PRG4: variants seen among roughly 807,000 people sequenced by gnomAD.
The protein encoded by PRG4 is articular superficial zone protein.
Under a neutral mutation model 91.2 loss-of-function variants are expected in PRG4, and 61 were observed. The observed-to-expected ratio is 0.67, with a 90% CI of 0.54 to 0.83. The LOEUF (loss-of-function observed/expected upper bound fraction) is 0.83, where lower values mean the gene tolerates loss of function less well. PRG4 is among the 40% of genes least tolerant of loss of function. The pLI is 0.00. For synonymous variants in PRG4, 576 were observed against 614.2 expected (o/e 0.94, Z 0.92); for missense variants, 1,564 against 1,714.2 (o/e 0.91, Z 1.55).
chr1:186,312,051 CA>C, intron 10 of PRG4, 123 bp from the exon 11 acceptor site: 1 of 741,856 alleles, frequency 1.3e-6, no homozygotes, highest in Non-Finnish European at 2.3e-6. Context: ...TTATTAATAT[CA>C]ATATATTATA....
chr1:186,311,069 C>CCAT lies in PRG4; in HGVS notation c.3537_3539dup (p.Ser1180dup). 6.2e-7 allele frequency: 1 copy of CCAT among 1,613,924 alleles called. No homozygotes were observed. The highest frequency in any genetic ancestry group is 8.5e-7 in the Non-Finnish European group (1 of 1,179,856). ...CTGGATGCTAAGTCCATTCAGTCCA[C>CCAT]CATCTCCAGCTCGCAGAATTACTGA... On this transcript the variant is annotated inframe_insertion, in exon 9 of 13. Coordinates refer to ENST00000445192, the MANE Select transcript of PRG4 (RefSeq NM_005807.6).
At chr1:186,313,637 ATTG>A (rs762584904) in intron 12 of PRG4, 41 bp from the exon 13 acceptor site, 7 of 1,164,002 alleles carry the variant, frequency 6.0e-6, no homozygotes, top group Non-Finnish European at 9.1e-6. Context: ...TAGTTTGGGC[ATTG>A]TTTTCTTTTT....
At chr1:186,310,988 G>A in intron 8 of PRG4, 46 bp from the exon 9 acceptor site, 1 of 1,610,032 alleles carries the variant, frequency 6.2e-7, no homozygotes, top group South Asian at 1.1e-5. Flanking sequence ...TTTTGTGATA[G>A]GTTTAGCATT....
chr1:186,298,319 T>A (rs763428322), intron 2 of PRG4, among the ~76,000 whole-genome samples: 35 of 151,290 alleles, frequency 2.3e-4, no homozygotes, highest in Non-Finnish European at 4.4e-4. Flanking sequence ...GAGGTGGAGG[T>A]TGCATTAAGC....
chr1:186,302,070 G>A (rs1178859646), intron 4 of PRG4, among the ~76,000 whole-genome samples: 1 of 152,104 alleles, frequency 6.6e-6, no homozygotes, highest in Non-Finnish European at 1.5e-5. Context: ...CTGACTTCAC[G>A]AAGTCAACTA....
At chr1:186,305,010 G>A (rs753198533) in intron 6 of PRG4, 88 bp downstream of exon 6, 58 of 1,383,100 alleles carry the variant, frequency 4.2e-5, no homozygotes, top group Non-Finnish European at 5.6e-5. Context: ...GCAGAATGAG[G>A]ACATCTTAAT....
At chr1:186,310,917 C>A in intron 8 of PRG4, 117 bp from the exon 9 acceptor site, 1 of 1,126,530 alleles carries the variant, frequency 8.9e-7, no homozygotes, top group Non-Finnish European at 1.3e-6. Flanking sequence ...CCTTTTGTAT[C>A]TGACTAAACT....
chr1:186,308,336 C>G lies in PRG4; in HGVS notation c.2617C>G (p.Pro873Ala). 6.2e-7 allele frequency: 1 copy of G among 1,613,970 alleles called. No homozygotes were observed. The highest frequency in any genetic ancestry group is 1.1e-5 in the South Asian group (1 of 91,078). The change falls in exon 7 of 13, where the codon CCT becomes GCT. Residue 873 changes from proline (P) to alanine (A), a missense_variant. Pro to Ala is a conservative substitution (Grantham distance 27). This residue lies in a region of PRG4 where 1,079 missense variants were observed against 1,162.2 expected (regional missense o/e 0.93). Coordinates refer to ENST00000445192, the MANE Select transcript of PRG4 (RefSeq NM_005807.6). ...TKEPTTIHKS[P>A]DESTPELSAE... ...GGAGCCTACCACTATCCACAAAAGCCCTGATGAATCAACTCCTGAGCTTTC... is the reference window on the plus strand; with the variant it reads ...GGAGCCTACCACTATCCACAAAAGCGCTGATGAATCAACTCCTGAGCTTTC...
chr1:186,312,007 T>C (rs1022392118), intron 10 of PRG4, 168 bp from the exon 11 acceptor site: 2 of 603,162 alleles, frequency 3.3e-6, no homozygotes, highest in Non-Finnish European at 5.7e-6. Flanking sequence ...TTCAGTTTAA[T>C]AATTATTTTT....
chr1:186,304,178 A>G lies in PRG4; in HGVS notation c.390A>G (p.Lys130=). The G allele has an allele frequency of 6.2e-7, 1 of 1,613,886 alleles. No individual in the cohort carries two copies. Residue 130 remains lysine (K), a synonymous_variant, in exon 5 of 13, where the codon AAA becomes AAG. Coordinates refer to ENST00000445192, the MANE Select transcript of PRG4 (RefSeq NM_005807.6). The stretch of plus-strand genomic sequence containing the variant: ...CTTCAGGAGCATCTCAAACCATCAA[A>G]TCAACAACCAAACGTTCACCCAAAC... ...PPPSGASQTI[K]STTKRSPKPP...
chr1:186,305,874 G>C (rs1656522423), intron 6 of PRG4, among the ~76,000 whole-genome samples: 1 of 152,136 alleles, frequency 6.6e-6, no homozygotes, highest in Non-Finnish European at 1.5e-5. Flanking sequence ...GGGGGTGACT[G>C]GGGCAGATTG....
intron 10 of PRG4, 116 bp downstream of exon 10, chr1:186,311,712 T>G: frequency 1.7e-6 from 2 of 1,164,788 alleles, no homozygotes; most frequent in South Asian, 2.7e-5. Context: ...ATCAAATATT[T>G]TCAGTGAAAA....
rs1656576763 is a variant in PRG4, at chr1:186,306,516, C to T, written c.797C>T (p.Pro266Leu). 1.9e-6 allele frequency: 3 copies of T among 1,613,188 alleles called. No individual in the cohort carries two copies. The highest frequency in any genetic ancestry group is 2.5e-6 in the Non-Finnish European group (3 of 1,179,338). ...KPINPRPSLP[P>L]NSDTSKETSL... The stretch of plus-strand genomic sequence containing the variant: ...ATAAATCCCAGACCCAGTCTTCCAC[C>T]TAATTCTGATACATCTAAAGAGACG... The change falls in exon 7 of 13, where the codon CCT becomes CTT. Residue 266 changes from proline (P) to leucine (L), a missense_variant. Transcript: ENST00000445192.
In PRG4 at chr1:186,312,373, G is replaced by A. The variant is rs1188019540; in HGVS notation, c.3991+1G>A. 1 of 1,604,100 alleles carries A rather than the reference G, an allele frequency of 6.2e-7. No individual in the cohort carries two copies. Among genetic ancestry groups the A allele is most frequent in the Non-Finnish European group, 8.5e-7 (1 of 1,176,362 alleles). ...GCCAGACTGGCTTATCAAGACAAAGGTAACATTTTTATTGTGTTAAAAAAA... is the reference window on the plus strand; with the variant it reads ...GCCAGACTGGCTTATCAAGACAAAGATAACATTTTTATTGTGTTAAAAAAA... On this transcript the variant is annotated splice_donor_variant, in intron 11 of 12. Transcript: ENST00000445192. LOFTEE classifies it high-confidence loss of function.
In PRG4 at chr1:186,310,655, G is replaced by T. The variant is rs201456216; in HGVS notation, c.3500-379G>T. 1.8e-4 allele frequency among the ~76,000 whole-genome samples: 24 copies of T among 133,260 alleles called. No homozygotes were observed. The East Asian group carries it at 4.4e-3, about 24-fold the overall frequency. 87.4% of individuals were successfully genotyped at this position (133,260 alleles called of 152,430 possible). On this transcript the variant is annotated intron_variant, in intron 8 of 12. Transcript: ENST00000445192. ...GCACCACCATGCCTGGCTAATTTTT[G>T]TATTTTTTTTTGTATTTTTTTTTTT...
chr1:186,300,232 T>G lies in PRG4; in HGVS notation c.199+19T>G. 1.2e-6 allele frequency: 2 copies of G among 1,613,244 alleles called. No individual in the cohort carries two copies. The highest frequency in any genetic ancestry group is 2.2e-5 in the South Asian group (2 of 90,824). On this transcript the variant is annotated intron_variant, in intron 3 of 12. Coordinates refer to ENST00000445192, the MANE Select transcript of PRG4 (RefSeq NM_005807.6). ...ACTGCGGGTAAGTCCTGAGAGCGGG[T>G]GTCTCCTCTGTCAAGCAACACTGCG...
Position 186,308,247 on chromosome 1 carries a change from C to G in PRG4, c.2528C>G (p.Ala843Gly). Reference protein sequence around the residue: ...EPAPTTPKKPAPTTPETPPPT... With the variant: ...EPAPTTPKKPGPTTPETPPPT... ...GCACCCACTACCCCCAAGAAGCCTG[C>G]TCCAACTACTCCTGAGACACCTCCT... The change falls in exon 7 of 13, where the codon GCT becomes GGT. Residue 843 changes from alanine to glycine, a missense_variant. Physicochemically the swap from Ala to Gly is moderately conservative, Grantham distance 60. This residue lies in a region of PRG4 where 1,079 missense variants were observed against 1,162.2 expected (regional missense o/e 0.93). Coordinates refer to ENST00000445192, the MANE Select transcript of PRG4 (RefSeq NM_005807.6). 1 of 1,614,058 alleles carries G rather than the reference C, an allele frequency of 6.2e-7. No homozygotes were observed. The highest frequency in any genetic ancestry group is 8.5e-7 in the Non-Finnish European group (1 of 1,180,010).
Position 186,314,172 on chromosome 1 carries a change from A to G in PRG4, c.*394A>G, listed in dbSNP as rs1183470101. 3.1e-6 allele frequency: 2 copies of G among 654,520 alleles called. No homozygotes were observed. The highest frequency in any genetic ancestry group is 5.1e-6 in the Non-Finnish European group (2 of 395,834). 40.5% of individuals were successfully genotyped at this position (654,520 alleles called of 1,614,324 possible). A position where few individuals can be genotyped will look rare whatever the true frequency, so the allele number is the denominator to read the frequency against. On this transcript the variant is annotated 3_prime_UTR_variant, in exon 13 of 13. Transcript: ENST00000445192. ...TTCTACAACTTCAATGGAAATTATT[A>G]CAAGCAGATTAATCCCTCTTTTTGT...
In PRG4 at chr1:186,304,112, T is replaced by C. The variant is rs1357035287; in HGVS notation, c.324T>C (p.His108=). The C allele has an allele frequency of 6.2e-7, 1 of 1,614,108 alleles. No individual in the cohort carries two copies. Among genetic ancestry groups the C allele is most frequent in the Non-Finnish European group, 8.5e-7 (1 of 1,179,940 alleles). ...PDYESFCAEV[H]NPTSPPSSKK... ...ACTTGTCTTACTTGGCCTCAGTGCATAATCCCACATCACCACCATCTTCAA... is the reference window on the plus strand; with the variant it reads ...ACTTGTCTTACTTGGCCTCAGTGCACAATCCCACATCACCACCATCTTCAA... The change falls in exon 5 of 13, where the codon CAT becomes CAC. Residue 108 remains histidine (H), a synonymous_variant. Coordinates refer to ENST00000445192, the MANE Select transcript of PRG4 (RefSeq NM_005807.6).
Sources: gnomAD v4.1 joint callset for allele counts (sites outside exome capture counted in the v4.1 genomes callset) on GRCh38, gnomAD v4.1.1 for gene constraint, gnomAD v4.1.1 regional missense constraint, MANE v1.5 for transcripts, NCBI Gene and HGNC (gene_info 2026-07-23, HGNC 2026-07-21) for gene names.